The following DDX60L variants were observed in gnomAD, a reference collection of about 807,000 sequenced individuals.
The protein encoded by DDX60L is probable ATP-dependent RNA helicase DDX60-like.
A neutral mutation model predicts 211.6 loss-of-function variants in DDX60L; 191 were observed. That is an observed-to-expected ratio of 0.90 (90% confidence interval 0.80 to 1.02). The LOEUF (loss-of-function observed/expected upper bound fraction) is 1.02, where lower values mean the gene tolerates loss of function less well. Among genes scored for constraint, DDX60L ranks in the 50% least tolerant of loss-of-function variants. The probability of loss-of-function intolerance (pLI) is 0.00; values close to 1 mark genes in which losing one functional copy is unlikely to be tolerated. For missense variants in DDX60L, 2,007 were observed against 1,984.1 expected (o/e 1.01, Z -0.22); for synonymous variants, 706 against 694.1 (o/e 1.02, Z -0.27).
intron 34 of DDX60L, among the ~76,000 whole-genome samples, chr4:168,374,439 A>T (rs540655945): frequency 2.5e-4 from 38 of 152,178 alleles, no homozygotes; most frequent in African/African-American, 9.2e-4. Flanking sequence ...GCTTCTTTCC[A>T]TTTATTCTCC....
chr4:168,372,038 A>G (rs1231642961), intron 35 of DDX60L, among the ~76,000 whole-genome samples: 3 of 151,936 alleles, frequency 2.0e-5, no homozygotes, highest in South Asian at 2.1e-4. Flanking sequence ...CTCAAAGCAT[A>G]CTGAAGGCAA....
chr4:168,415,713 C>T lies in DDX60L; in HGVS notation c.2813G>A (p.Cys938Tyr). ...KCISEKQADK[C>Y]LNFLQDHSYK... The stretch of plus-strand genomic sequence containing the variant: ...TGAATGGTCTTGGAGAAAGTTGAGA[C>T]ATTTGTCAGCCTGTTTTTCAGAAAT... Residue 938 changes from cysteine (C) to tyrosine (Y), a missense_variant, in exon 21 of 38, where the codon TGT becomes TAT. Transcript: ENST00000682922. 1 of 1,603,950 alleles carries T rather than the reference C, an allele frequency of 6.2e-7. No homozygotes were observed. The highest frequency in any genetic ancestry group is 2.2e-5 in the East Asian group (1 of 44,446).
At chr4:168,394,878 T>A (rs1301619135) in intron 27 of DDX60L, among the ~76,000 whole-genome samples, 2 of 152,212 alleles carry the variant, frequency 1.3e-5, no homozygotes, top group Non-Finnish European at 2.9e-5. Context: ...CCAGGACAGA[T>A]GAGTAAACAA....
At chr4:168,378,593 A>G in intron 32 of DDX60L, 118 bp from the exon 33 acceptor site, 1 of 675,604 alleles carries the variant, frequency 1.5e-6, no homozygotes, top group East Asian at 3.0e-5. Context: ...TCTAGCAAAT[A>G]TATACCTCAG....
intron 9 of DDX60L, among the ~76,000 whole-genome samples, chr4:168,442,423 G>A (rs1202446765): frequency 2.0e-5 from 3 of 152,258 alleles, no homozygotes; most frequent in East Asian, 1.9e-4. Flanking sequence ...AGCGAGGCTG[G>A]GGGAGGGGCG....
intron 27 of DDX60L, 62 bp from the exon 28 acceptor site, chr4:168,394,679 C>A (rs1429112203): frequency 6.8e-7 from 1 of 1,468,644 alleles, no homozygotes. Context: ...CAAGCTCAAT[C>A]AGAATCAAAG....
chr4:168,468,083 C>T (rs1366003702), intron 4 of DDX60L, among the ~76,000 whole-genome samples: 3 of 152,132 alleles, frequency 2.0e-5, no homozygotes, highest in African/African-American at 7.2e-5. Context: ...AGAAGAATTG[C>T]TTGCACCTGG....
At chr4:168,473,740 C>G (rs571703375) in intron 1 of DDX60L, among the ~76,000 whole-genome samples, 1 of 152,118 alleles carries the variant, frequency 6.6e-6, no homozygotes, top group African/African-American at 2.4e-5. Context: ...CTCTGGGTCA[C>G]CCCCAAAATA....
At chr4:168,376,157 A>G (rs1374469980) in intron 33 of DDX60L, among the ~76,000 whole-genome samples, 1 of 152,234 alleles carries the variant, frequency 6.6e-6, no homozygotes, top group Non-Finnish European at 1.5e-5. Flanking sequence ...TGAGTTAGAA[A>G]TAGCTATGAC....
chr4:168,447,504 C>G (rs1476587713), intron 9 of DDX60L, among the ~76,000 whole-genome samples: 1 of 151,934 alleles, frequency 6.6e-6, no homozygotes, highest in East Asian at 1.9e-4. Flanking sequence ...CCTGGAAATA[C>G]CATTTGACCC....
chr4:168,467,657 C>T (rs2319853), intron 4 of DDX60L, among the ~76,000 whole-genome samples: 4 of 152,104 alleles, frequency 2.6e-5, no homozygotes, highest in South Asian at 2.1e-4. Context: ...TATTTATTAA[C>T]GAAATTGACT....
At chr4:168,359,185 G>T (rs1253201274) in intron 37 of DDX60L, among the ~76,000 whole-genome samples, 3 of 152,126 alleles carry the variant, frequency 2.0e-5, no homozygotes. Context: ...CTAGAGCAGA[G>T]TTTCAGTTTT....
chr4:168,395,762 T>C, intron 27 of DDX60L, 197 bp downstream of exon 27: 1 of 487,396 alleles, frequency 2.1e-6, no homozygotes, highest in Non-Finnish European at 3.5e-6. Flanking sequence ...ACATTCACAC[T>C]GAGCAAGGAA....
At chr4:168,392,396 TAA>T (rs1744988634) in intron 28 of DDX60L, among the ~76,000 whole-genome samples, 2 of 152,288 alleles carry the variant, frequency 1.3e-5, no homozygotes, top group South Asian at 4.1e-4. Flanking sequence ...TATTTAATGA[TAA>T]AGAGTGAGCA....
intron 27 of DDX60L, among the ~76,000 whole-genome samples, chr4:168,395,294 A>C (rs1745575592): frequency 6.7e-6 from 1 of 148,952 alleles, no homozygotes; most frequent in Admixed American, 6.6e-5. Context: ...GGCAAGAAAT[A>C]AATAAGTAAG....
chr4:168,466,195 C>A (rs1757970506), intron 4 of DDX60L, among the ~76,000 whole-genome samples: 1 of 150,956 alleles, frequency 6.6e-6, no homozygotes, highest in Non-Finnish European at 1.5e-5. Context: ...CAAATAAAGA[C>A]AAGAGTAGAA....
intron 36 of DDX60L, among the ~76,000 whole-genome samples, chr4:168,369,544 A>C (rs2634942): frequency 0.82 from 124,358 of 151,070 alleles, 51,368 homozygotes; most frequent in African/African-American, 0.88. Flanking sequence ...TTTTTTAAAT[A>C]AGATCTCAAA....
rs368386567 is a variant in DDX60L, at chr4:168,466,864, C to T, written c.265-4824G>A. ...TGCTACACAGAAAGCAGCAGATAAT[C>T]AAAGATTTAAGGGACACAGACAGCT... On this transcript the variant is annotated intron_variant, in intron 4 of 37. Coordinates refer to ENST00000682922, the MANE Select transcript of DDX60L (RefSeq NM_001012967.3). 1.8e-4 allele frequency among the ~76,000 whole-genome samples: 28 copies of T among 152,178 alleles called. No individual in the cohort carries two copies. The East Asian group carries it at 2.1e-3, about 12-fold the overall frequency.
At chr4:168,412,315 T>G (rs1469305324) in intron 22 of DDX60L, among the ~76,000 whole-genome samples, 10 of 152,004 alleles carry the variant, frequency 6.6e-5, no homozygotes, top group Admixed American at 6.6e-4. Context: ...CCCTGGCTCT[T>G]GGATGGCATC....
Sources: allele counts gnomAD v4.1 joint callset (sites outside exome capture counted in the v4.1 genomes callset), GRCh38; gene constraint gnomAD v4.1.1; transcripts MANE v1.5; gene names NCBI Gene and HGNC (gene_info 2026-07-23, HGNC 2026-07-21).